MAP4: variants seen among roughly 807,000 people sequenced by gnomAD.
MAP4 encodes the protein microtubule-associated protein 4.
A neutral mutation model predicts 170.2 loss-of-function variants in MAP4; 76 were observed. The ratio of observed to expected loss-of-function variants is 0.45; its 90% CI spans 0.37 to 0.54. The LOEUF (loss-of-function observed/expected upper bound fraction) is 0.54, where lower values mean the gene tolerates loss of function less well. Among genes scored for constraint, MAP4 ranks in the 20% least tolerant of loss-of-function variants. MAP4 has a pLI of 0.00. For missense variants in MAP4, 2,506 were observed against 2,748.0 expected (o/e 0.91, Z 1.97); for synonymous variants, 909 against 994.5 (o/e 0.91, Z 1.62).
At chr3:48,051,842 T>C (rs1302247531) in intron 1 of MAP4, among the ~76,000 whole-genome samples, 1 of 152,182 alleles carries the variant, frequency 6.6e-6, no homozygotes, top group Non-Finnish European at 1.5e-5. Context: ...CATTTAACAA[T>C]TTTACATAAA....
chr3:48,073,732 T>C (rs1054355722), intron 1 of MAP4, among the ~76,000 whole-genome samples: 4 of 152,082 alleles, frequency 2.6e-5, no homozygotes, highest in African/African-American at 9.7e-5. Context: ...AATAATTCCA[T>C]TTTCAATAGC....
chr3:47,959,138 G>T (rs2100069761), intron 3 of MAP4, among the ~76,000 whole-genome samples: 2 of 151,730 alleles, frequency 1.3e-5, no homozygotes, highest in Non-Finnish European at 2.9e-5. Context: ...AAGAAAATTT[G>T]AGCATTTCAA....
intron 17 of MAP4, among the ~76,000 whole-genome samples, chr3:47,865,025 C>T (rs1215819865): frequency 1.3e-5 from 2 of 152,174 alleles, no homozygotes; most frequent in African/African-American, 4.8e-5. Context: ...TCCTCATCTT[C>T]CCACCAGGAA....
intron 1 of MAP4, among the ~76,000 whole-genome samples, chr3:48,063,164 CAAT>C (rs750798590): frequency 6.9e-6 from 1 of 145,682 alleles, no homozygotes; most frequent in East Asian, 2.0e-4. Flanking sequence ...AAAAAGACAA[CAAT>C]GAGATGCCAC....
chr3:47,965,824 G>C (rs1164825484), intron 3 of MAP4, among the ~76,000 whole-genome samples: 2 of 151,796 alleles, frequency 1.3e-5, no homozygotes, highest in African/African-American at 4.8e-5. Flanking sequence ...CAAATATTTT[G>C]CCTCCATGGG....
intron 1 of MAP4, among the ~76,000 whole-genome samples, chr3:48,062,160 T>C (rs1002898018): frequency 3.9e-5 from 6 of 151,986 alleles, no homozygotes; most frequent in African/African-American, 1.4e-4. Context: ...CTAAGAAAAA[T>C]TCTTCTGCCT....
chr3:47,913,977 A>T lies in MAP4; in HGVS notation c.1999+840T>A, dbSNP rs548392926. ...CAGTACCTCTCAAAGTTTAATGAAA[A>T]TTAGAATTATCTGGGGATCTAATTA... is the stretch of plus-strand genomic sequence containing the variant. On this transcript the variant is annotated intron_variant, in intron 8 of 20. Transcript: ENST00000683076. Among the ~76,000 whole-genome samples the T allele has an allele frequency of 2.4e-3, 367 of 152,334 alleles. 3 individuals are homozygous for T. Among genetic ancestry groups the T allele is most frequent in the African/African-American group, 8.0e-3 (332 of 41,566 alleles).
At chr3:47,861,353 CTTTT>C (rs35553466) in intron 17 of MAP4, among the ~76,000 whole-genome samples, 2 of 132,278 alleles carry the variant, frequency 1.5e-5, no homozygotes, top group East Asian at 2.2e-4. Context: ...GAGACTCCGT[CTTTT>C]TTTTTTTTTT....
intron 1 of MAP4, among the ~76,000 whole-genome samples, chr3:48,034,998 G>A (rs1203378058): frequency 1.3e-5 from 2 of 152,188 alleles, no homozygotes; most frequent in South Asian, 2.1e-4. Flanking sequence ...GGGAGACAGA[G>A]AGTGAGACAC....
Position 47,956,864 on chromosome 3 carries a change from A to T in MAP4, c.292+21001T>A, listed in dbSNP as rs1315331705. ...TCAACAACATGATCTTCCCCTAAACAGGGCTGACCTGACTAAAGCTACTGC... is the reference window on the plus strand; with the variant it reads ...TCAACAACATGATCTTCCCCTAAACTGGGCTGACCTGACTAAAGCTACTGC... On this transcript the variant is annotated intron_variant, in intron 3 of 20. Coordinates refer to ENST00000683076, the MANE Select transcript of MAP4 (RefSeq NM_001385682.1). Among the ~76,000 whole-genome samples the T allele has an allele frequency of 2.0e-5, 3 of 152,238 alleles. No individual in the cohort carries two copies. The East Asian group carries it at 5.8e-4, about 29-fold the overall frequency.
chr3:48,026,324 T>C (rs1305424600), intron 1 of MAP4, among the ~76,000 whole-genome samples: 1 of 152,190 alleles, frequency 6.6e-6, no homozygotes, highest in African/African-American at 2.4e-5. Context: ...TCATAAACGC[T>C]CATATTTATT....
At chr3:47,914,386 C>T (rs1224152019) in intron 8 of MAP4, among the ~76,000 whole-genome samples, 1 of 151,878 alleles carries the variant, frequency 6.6e-6, no homozygotes, top group Non-Finnish European at 1.5e-5. Context: ...GGTGAAACCT[C>T]ATCTCTACTA....
chr3:47,860,111 T>C (rs2063201838), intron 17 of MAP4, among the ~76,000 whole-genome samples: 1 of 152,206 alleles, frequency 6.6e-6, no homozygotes, highest in Non-Finnish European at 1.5e-5. Context: ...CAAGCAATGG[T>C]GACAAGCTCA....
intron 3 of MAP4, chr3:47,973,956 C>T (rs904724872): frequency 1.0e-6 from 1 of 985,434 alleles, no homozygotes; most frequent in Non-Finnish European, 1.2e-6. Flanking sequence ...CAAGTGTCTT[C>T]TGTCCAGAAT....
intron 1 of MAP4, chr3:48,088,679 G>T (rs1369255061): frequency 6.6e-6 from 1 of 152,302 alleles, no homozygotes; most frequent in African/African-American, 2.4e-5. Flanking sequence ...CGGGCCCCGT[G>T]GGGTACCCAG....
In MAP4 at chr3:48,066,987, C is replaced by T. The variant is rs141946441; in HGVS notation, c.-20+21786G>A. Among the ~76,000 whole-genome samples the T allele has an allele frequency of 4.2e-3, 645 of 151,846 alleles. 5 individuals carry two copies. Among genetic ancestry groups the T allele is most frequent in the African/African-American group, 0.014 (588 of 41,440 alleles). ...TCCTGAGCAGCTGGGACCACAAGCGCCCATCACCACGCCCGGCTAATTTTT... is the reference window on the plus strand; with the variant it reads ...TCCTGAGCAGCTGGGACCACAAGCGTCCATCACCACGCCCGGCTAATTTTT... On this transcript the variant is annotated intron_variant, in intron 1 of 18. Coordinates refer to the MAP4 transcript ENST00000360240.
At chr3:47,859,111 A>G (rs2061571630) in intron 17 of MAP4, among the ~76,000 whole-genome samples, 1 of 152,166 alleles carries the variant, frequency 6.6e-6, no homozygotes, top group Non-Finnish European at 1.5e-5. Flanking sequence ...CCTGGGCAAC[A>G]GAAAGAGACT....
chr3:47,950,047 A>C (rs1247058745), intron 3 of MAP4, among the ~76,000 whole-genome samples: 1 of 152,120 alleles, frequency 6.6e-6, no homozygotes, highest in African/African-American at 2.4e-5. Context: ...AGGAACTTAA[A>C]ACTGCAACAG....
At position 47,916,228 on chromosome 3, in the gene MAP4, G is replaced by T; in HGVS notation, c.1599C>A (p.Asn533Lys). The change falls in exon 7 of 21, where the codon AAC becomes AAA. Residue 533 changes from asparagine (N) to lysine (K), a missense_variant. Physicochemically the swap from Asn to Lys is moderately conservative, Grantham distance 94. Coordinates refer to ENST00000683076, the MANE Select transcript of MAP4 (RefSeq NM_001385682.1). Reference protein sequence around the residue: ...PPETEVVLIKNVCLPPEMEVA... With the variant: ...PPETEVVLIKKVCLPPEMEVA... The stretch of plus-strand genomic sequence containing the variant: ...CCTCCATTTCTGGAGGCAGACATAC[G>T]TTCTTGATGAGAACTACTTCTGTTT... The T allele has an allele frequency of 6.2e-7, 1 of 1,614,182 alleles. No homozygotes were observed. Among genetic ancestry groups the T allele is most frequent in the Non-Finnish European group, 8.5e-7 (1 of 1,180,026 alleles).
Sources: gnomAD v4.1 joint callset for allele counts (sites outside exome capture counted in the v4.1 genomes callset) on GRCh38, gnomAD v4.1.1 for gene constraint, MANE v1.5 for transcripts, NCBI Gene and HGNC (gene_info 2026-07-23, HGNC 2026-07-21) for gene names.